The following INPP4B variants were observed in gnomAD, a reference collection of about 807,000 sequenced individuals.
INPP4B encodes inositol polyphosphate 4-phosphatase type II.
In INPP4B, 55 loss-of-function variants were observed where a neutral mutation model predicts 122.5. The observed-to-expected ratio is 0.45, with a 90% CI of 0.36 to 0.56. INPP4B has a LOEUF of 0.56. Among genes scored for constraint, INPP4B ranks in the 20% least tolerant of loss-of-function variants. The pLI is 0.00. For synonymous variants in INPP4B, 403 were observed against 388.7 expected (o/e 1.04, Z -0.43); for missense variants, 1,000 against 1,097.7 (o/e 0.91, Z 1.26).
At chr4:142,260,423 G>T in intron 11 of INPP4B, 69 bp downstream of exon 11, 1 of 937,760 alleles carries the variant, frequency 1.1e-6, no homozygotes, top group Non-Finnish European at 1.7e-6. Context: ...TGCTGGTTCA[G>T]TGTTGATTTT....
chr4:142,072,056 C>A (rs9996965), intron 25 of INPP4B, among the ~76,000 whole-genome samples: 2 of 151,988 alleles, frequency 1.3e-5, no homozygotes, highest in Non-Finnish European at 2.9e-5. Flanking sequence ...ATTGTGGCAC[C>A]ATTCACAATA....
intron 1 of INPP4B, among the ~76,000 whole-genome samples, chr4:142,799,341 T>C (rs1486834182): frequency 4.6e-5 from 7 of 151,924 alleles, no homozygotes; most frequent in Non-Finnish European, 8.8e-5. Flanking sequence ...AGGTATATAT[T>C]TGTGGAAAAA....
intron 9 of INPP4B, among the ~76,000 whole-genome samples, chr4:142,288,104 ATT>A (rs1335231613): frequency 1.3e-5 from 2 of 152,348 alleles, no homozygotes; most frequent in African/African-American, 4.8e-5. Flanking sequence ...ACACCATTAC[ATT>A]GGAGGGTAGG....
chr4:142,508,634 T>C (rs1824323372), intron 2 of INPP4B, among the ~76,000 whole-genome samples: 1 of 152,222 alleles, frequency 6.6e-6, no homozygotes, highest in Admixed American at 6.5e-5. Context: ...AAGTTTTCTT[T>C]GACAACACTT....
intron 1 of INPP4B, among the ~76,000 whole-genome samples, chr4:142,792,829 T>A (rs1776740720): frequency 6.6e-6 from 1 of 152,008 alleles, no homozygotes; most frequent in Non-Finnish European, 1.5e-5. Flanking sequence ...TCTTTCAAAA[T>A]TGAAAATGAA....
chr4:142,821,893 A>T (rs1580996049), intron 1 of INPP4B, among the ~76,000 whole-genome samples: 1 of 152,160 alleles, frequency 6.6e-6, no homozygotes, highest in East Asian at 1.9e-4. Flanking sequence ...AAGTCTTATT[A>T]TCTAATGATC....
chr4:142,656,794 A>AT (rs199713551), intron 2 of INPP4B, among the ~76,000 whole-genome samples: 1,932 of 151,714 alleles, frequency 0.013, 35 homozygotes, highest in South Asian at 0.032. Context: ...GCCCTTAAAG[A>AT]TTTTTTTTTC....
chr4:142,183,227 C>T (rs946334056), intron 15 of INPP4B, among the ~76,000 whole-genome samples: 7 of 152,148 alleles, frequency 4.6e-5, no homozygotes, highest in Non-Finnish European at 1.0e-4. Context: ...CCCCAAGTTG[C>T]CCCTAAATAC....
At chr4:142,713,434 G>A (rs1763356347) in intron 2 of INPP4B, among the ~76,000 whole-genome samples, 1 of 152,196 alleles carries the variant, frequency 6.6e-6, no homozygotes, top group Admixed American at 6.5e-5. Flanking sequence ...ATCTGAGAAA[G>A]AGGAGTTCTA....
intron 11 of INPP4B, among the ~76,000 whole-genome samples, chr4:142,248,650 GTA>G (rs911722223): frequency 2.1e-4 from 28 of 130,580 alleles, no homozygotes; most frequent in African/African-American, 7.5e-4. Context: ...GTGTGTGTGT[GTA>G]TGTGTGTGTG....
At chr4:142,415,330 G>T (rs149771628) in intron 5 of INPP4B, among the ~76,000 whole-genome samples, 11 of 152,250 alleles carry the variant, frequency 7.2e-5, no homozygotes, top group Non-Finnish European at 1.5e-4. Flanking sequence ...GATGGCTAAG[G>T]GGAGTGGACT....
At chr4:142,126,583 A>T (rs1485646168) in intron 18 of INPP4B, among the ~76,000 whole-genome samples, 2 of 152,174 alleles carry the variant, frequency 1.3e-5, no homozygotes, top group East Asian at 1.9e-4. Flanking sequence ...GTAGATGTAC[A>T]TGCTATTATG....
At chr4:142,225,184 G>A (rs1440465734) in intron 12 of INPP4B, among the ~76,000 whole-genome samples, 2 of 152,008 alleles carry the variant, frequency 1.3e-5, no homozygotes, top group African/African-American at 4.8e-5. Context: ...TGAGTCTTCC[G>A]GCCTTCATCT....
intron 24 of INPP4B, among the ~76,000 whole-genome samples, chr4:142,084,220 T>C (rs1775568304): frequency 6.6e-6 from 1 of 152,136 alleles, no homozygotes; most frequent in Non-Finnish European, 1.5e-5. Context: ...AACTCCCTGG[T>C]TCAAGCGATT....
chr4:142,206,358 T>C (rs1296214720), intron 14 of INPP4B, among the ~76,000 whole-genome samples: 39 of 147,572 alleles, frequency 2.6e-4, no homozygotes, highest in African/African-American at 8.1e-4. Flanking sequence ...TCTCTCTCTT[T>C]TTTTTTTTTT....
intron 15 of INPP4B, among the ~76,000 whole-genome samples, chr4:142,174,040 A>G (rs1051003743): frequency 6.6e-6 from 1 of 152,118 alleles, no homozygotes; most frequent in Non-Finnish European, 1.5e-5. Flanking sequence ...ATTAACACTA[A>G]TACTTGACGT....
In INPP4B at chr4:142,797,683, CA is replaced by C. The variant is rs373058721; in HGVS notation, c.-254+48525del. Among the ~76,000 whole-genome samples the C allele has an allele frequency of 1.4e-4, 21 of 147,822 alleles. No individual in the cohort carries two copies. The Middle Eastern group carries it at 0.014, about 100-fold the overall frequency. On this transcript the variant is annotated intron_variant, in intron 1 of 25. Coordinates refer to ENST00000262992, the MANE Select transcript of INPP4B (RefSeq NM_001101669.3). ...AAAGAAAATAATAAAAGATTGCTAA[CA>C]AAAAAAAATGGCAATCATTTTGTCA...
At chr4:142,510,092 G>A (rs748894358) in intron 2 of INPP4B, among the ~76,000 whole-genome samples, 15 of 152,130 alleles carry the variant, frequency 9.9e-5, no homozygotes, top group Non-Finnish European at 2.2e-4. Context: ...GACATGCTGA[G>A]TCACTTTGGA....
intron 2 of INPP4B, chr4:142,518,927 T>G (rs1238755779): frequency 6.6e-6 from 1 of 152,270 alleles, no homozygotes; most frequent in Non-Finnish European, 1.5e-5. Flanking sequence ...AAGCCACTCC[T>G]GAATTCTGGA....
Sources: gnomAD v4.1 joint callset for allele counts (sites outside exome capture counted in the v4.1 genomes callset) on GRCh38, gnomAD v4.1.1 for gene constraint, MANE v1.5 for transcripts, NCBI Gene and HGNC (gene_info 2026-07-23, HGNC 2026-07-21) for gene names.